The following IL20RA variants were observed in gnomAD, a reference collection of about 807,000 sequenced individuals.
The protein encoded by IL20RA is interleukin 20 receptor subunit alpha, also known as interleukin-20 receptor subunit alpha.
In IL20RA, 29 loss-of-function variants were observed where a neutral mutation model predicts 36.5. That is an observed-to-expected ratio of 0.79 (90% CI 0.59 to 1.08). The LOEUF (loss-of-function observed/expected upper bound fraction) is 1.08, where lower values mean the gene tolerates loss of function less well. Among genes scored for constraint, IL20RA ranks in the 50% least tolerant of loss-of-function variants. The probability of loss-of-function intolerance (pLI) is 0.00; values close to 1 mark genes in which losing one functional copy is unlikely to be tolerated. For missense variants in IL20RA, 652 were observed against 668.4 expected (o/e 0.98, Z 0.27); for synonymous variants, 279 against 267.1 (o/e 1.04, Z -0.43).
In IL20RA at chr6:137,002,147, T is replaced by C; in HGVS notation, c.1073A>G (p.Lys358Arg). Residue 358 changes from lysine (K) to arginine (R), a missense_variant, in exon 7 of 7, where the codon AAA becomes AGA. Transcript: ENST00000316649. Reference protein sequence around the residue: ...LRPPQEEEEVKHLGYASHLME... With the variant: ...LRPPQEEEEVRHLGYASHLME... The stretch of plus-strand genomic sequence containing the variant: ...CAAATGCGAAGCATACCCTAAATGT[T>C]TCACCTCCTCTTCCTCCTGAGGGGG... 6.2e-7 allele frequency: 1 copy of C among 1,614,172 alleles called. No individual in the cohort carries two copies. Among genetic ancestry groups the C allele is most frequent in the Non-Finnish European group, 8.5e-7 (1 of 1,180,014 alleles).
chr6:137,021,537 G>A (rs1399778317), intron 1 of IL20RA, among the ~76,000 whole-genome samples: 3 of 149,964 alleles, frequency 2.0e-5, no homozygotes, highest in Non-Finnish European at 3.0e-5. Context: ...AAAATTAGCC[G>A]GCATGGTGGT....
At chr6:137,036,284 T>G (rs1776491657) in intron 1 of IL20RA, among the ~76,000 whole-genome samples, 1 of 152,290 alleles carries the variant, frequency 6.6e-6, no homozygotes, top group Non-Finnish European at 1.5e-5. Flanking sequence ...GGATCCTGCT[T>G]GGTATTCTAT....
chr6:137,033,538 A>G (rs1276001635), intron 1 of IL20RA, among the ~76,000 whole-genome samples: 1 of 152,156 alleles, frequency 6.6e-6, no homozygotes, highest in Non-Finnish European at 1.5e-5. Flanking sequence ...AGTTCTCACA[A>G]GATCTGGTTG....
intron 1 of IL20RA, among the ~76,000 whole-genome samples, chr6:137,017,929 T>A (rs1234726940): frequency 1.3e-5 from 2 of 152,176 alleles, no homozygotes. Flanking sequence ...AAAGCAAAGA[T>A]AATCCTTGGA....
At chr6:137,035,108 C>T (rs776378233) in intron 1 of IL20RA, among the ~76,000 whole-genome samples, 23 of 152,068 alleles carry the variant, frequency 1.5e-4, no homozygotes, top group Admixed American at 5.2e-4. Flanking sequence ...TATATTACCA[C>T]ATTTTTAAAA....
chr6:137,035,120 G>T (rs117349408), intron 1 of IL20RA, among the ~76,000 whole-genome samples: 4 of 152,102 alleles, frequency 2.6e-5, no homozygotes, highest in Middle Eastern at 3.4e-3. Context: ...TTTTTAAAAA[G>T]ATCTAAATTT....
At chr6:137,025,603 G>A (rs912626462) in intron 1 of IL20RA, among the ~76,000 whole-genome samples, 1 of 152,194 alleles carries the variant, frequency 6.6e-6, no homozygotes, top group African/African-American at 2.4e-5. Context: ...CCTTCCAGTA[G>A]GAAGATAATG....
intron 2 of IL20RA, among the ~76,000 whole-genome samples, chr6:137,015,384 T>G (rs1029987735): frequency 2.0e-5 from 3 of 152,226 alleles, no homozygotes; most frequent in Non-Finnish European, 4.4e-5. Context: ...TTCTCTTCTT[T>G]GAGTTTTACC....
chr6:137,013,649 T>A (rs1322392), intron 2 of IL20RA, among the ~76,000 whole-genome samples: 93,179 of 152,140 alleles, frequency 0.61, 33,018 homozygotes, highest in East Asian at 0.93. Context: ...ACATTCTATT[T>A]TTTTGCATTA....
In IL20RA at chr6:137,001,538, G is replaced by A; in HGVS notation, c.*20C>T. The A allele has an allele frequency of 1.3e-6, 2 of 1,515,432 alleles. No homozygotes were observed. The highest frequency in any genetic ancestry group is 1.8e-6 in the Non-Finnish European group (2 of 1,130,066). 93.9% of individuals were successfully genotyped at this position (1,515,432 alleles called of 1,614,324 possible). ...TCACTTGTTTGCACAGGAAACAAAA[G>A]GCAAAAGGAAGTGTTGGCATCAGTT... On this transcript the variant is annotated 3_prime_UTR_variant, in exon 7 of 7. Transcript: ENST00000316649.
chr6:137,035,944 A>C (rs1776475665), intron 1 of IL20RA, among the ~76,000 whole-genome samples: 1 of 152,224 alleles, frequency 6.6e-6, no homozygotes, highest in African/African-American at 2.4e-5. Flanking sequence ...TTGTTGGAAC[A>C]AGGGAGAGGA....
intron 1 of IL20RA, among the ~76,000 whole-genome samples, chr6:137,038,748 A>C (rs1408899627): frequency 6.6e-6 from 1 of 152,190 alleles, no homozygotes; most frequent in Non-Finnish European, 1.5e-5. Context: ...TATGGAAGTC[A>C]GCATGTCAAT....
intron 1 of IL20RA, among the ~76,000 whole-genome samples, chr6:137,023,231 T>C (rs1775968814): frequency 6.7e-6 from 1 of 149,802 alleles, no homozygotes; most frequent in South Asian, 2.2e-4. Flanking sequence ...AACCCATAAA[T>C]ACACAGGGCC....
intron 1 of IL20RA, among the ~76,000 whole-genome samples, chr6:137,028,162 A>C (rs1776157233): frequency 1.3e-5 from 2 of 152,216 alleles, no homozygotes; most frequent in Admixed American, 1.3e-4. Flanking sequence ...TCACGCCTAT[A>C]ATCCTAGCAC....
chr6:137,034,679 G>A (rs889707283), intron 1 of IL20RA, among the ~76,000 whole-genome samples: 3 of 152,172 alleles, frequency 2.0e-5, no homozygotes, highest in Non-Finnish European at 2.9e-5. Flanking sequence ...GGTGGCTCAC[G>A]CCTGTAATCC....
intron 1 of IL20RA, among the ~76,000 whole-genome samples, chr6:137,031,893 A>C (rs1776298024): frequency 6.6e-6 from 1 of 152,022 alleles, no homozygotes; most frequent in Non-Finnish European, 1.5e-5. Flanking sequence ...CATCTCTACT[A>C]AACAAAAATT....
At chr6:137,044,555 G>T in intron 1 of IL20RA, 86 bp downstream of exon 1, 1 of 1,181,686 alleles carries the variant, frequency 8.5e-7, no homozygotes, top group Non-Finnish European at 1.1e-6. Flanking sequence ...GCGGGCAGGA[G>T]GGGAGAGCTC....
intron 1 of IL20RA, among the ~76,000 whole-genome samples, chr6:137,023,577 C>T (rs1775985537): frequency 6.6e-6 from 1 of 152,152 alleles, no homozygotes; most frequent in African/African-American, 2.4e-5. Flanking sequence ...ACCATAACTG[C>T]AGTAGCTCCA....
At chr6:137,019,753 C>A (rs1015045449) in intron 1 of IL20RA, among the ~76,000 whole-genome samples, 2 of 152,074 alleles carry the variant, frequency 1.3e-5, no homozygotes, top group East Asian at 1.9e-4. Context: ...TGATATTAAA[C>A]CAACAGAATG....
Sources: gnomAD v4.1 joint callset for allele counts (sites outside exome capture counted in the v4.1 genomes callset) on GRCh38, gnomAD v4.1.1 for gene constraint, MANE v1.5 for transcripts, NCBI Gene and HGNC (gene_info 2026-07-23, HGNC 2026-07-21) for gene names.